Variants in RAI14 observed in about 807,000 individuals in gnomAD.
The protein encoded by RAI14 is ankycorbin.
In RAI14, 45 loss-of-function variants were observed where a neutral mutation model predicts 115.4. The observed-to-expected ratio is 0.39, with a 90% confidence interval of 0.31 to 0.50. RAI14 has a LOEUF of 0.50. Among genes scored for constraint, RAI14 ranks in the 20% least tolerant of loss-of-function variants. The pLI, the probability that RAI14 is intolerant of heterozygous loss-of-function variation, is 0.85. For synonymous variants in RAI14, 371 were observed against 415.4 expected, an observed-to-expected ratio of 0.89 and a Z score of 1.30; for missense variants, 939 against 1,131.2, an observed-to-expected ratio of 0.83 and a Z score of 2.44.
chr5:34,829,739 A>T lies in RAI14; in HGVS notation c.2807A>T (p.Lys936Met). The T allele has an allele frequency of 1.2e-6, 2 of 1,610,864 alleles. No homozygotes were observed. The change falls in exon 17 of 18, where the codon AAG becomes ATG. Residue 936 changes from lysine (K) to methionine (M), a missense_variant. Lys to Met is a moderately conservative substitution (Grantham distance 95). Coordinates refer to ENST00000265109, the MANE Select transcript of RAI14 (RefSeq NM_015577.3). ...GAAATATTCCCTTTCTAGGAATGCA[A>T]GAAACAACACCAGGAGGTCATATCA... ...KQLQNQLAEC[K>M]KQHQEVISVY... is the part of the protein sequence containing the mutation.
intron 3 of RAI14, among the ~76,000 whole-genome samples, chr5:34,764,552 T>C (rs1196278156): frequency 6.6e-6 from 1 of 151,830 alleles, no homozygotes; most frequent in Non-Finnish European, 1.5e-5. Context: ...TCTCTCTCTC[T>C]CTCTCTCTCT....
rs777338809 is a variant in RAI14 at position 34,811,845 on chromosome 5, C to G, written c.636C>G (p.Asn212Lys). 8.1e-6 allele frequency: 13 copies of G among 1,612,856 alleles called. No homozygotes were observed. Among genetic ancestry groups the G allele is most frequent in the African/African-American group, 1.3e-5 (1 of 74,870 alleles). The change falls in exon 9 of 18, where the codon AAC becomes AAG. Residue 212 changes from asparagine to lysine, a missense_variant. By Grantham distance (94) the Asn-to-Lys change is moderately conservative. Transcript: ENST00000265109. ...TAATTAAAAAGGGTGCAGACCTAAA[C>G]CTTGTAGATTCTCTTGGATACAATG... ...EALIKKGADL[N>K]LVDSLGYNAL... is the part of the protein sequence containing the mutation.
At chr5:34,757,661 C>A (rs909581109) in intron 3 of RAI14, 63 bp downstream of exon 3, 16 of 1,526,236 alleles carry the variant, frequency 1.0e-5, no homozygotes, top group Non-Finnish European at 1.3e-5. Flanking sequence ...TCTCTGGAAT[C>A]CTTAGTATCC....
intron 4 of RAI14, among the ~76,000 whole-genome samples, chr5:34,797,526 T>C (rs1753689713): frequency 6.6e-6 from 1 of 152,114 alleles, no homozygotes; most frequent in African/African-American, 2.4e-5. Flanking sequence ...AAAACCATTT[T>C]TGGTCAAAAA....
chr5:34,721,234 G>A (rs1213689835), intron 2 of RAI14, among the ~76,000 whole-genome samples: 1 of 149,850 alleles, frequency 6.7e-6, no homozygotes, highest in African/African-American at 2.5e-5. Context: ...AATGCCTTGT[G>A]ATCAAAACTA....
intron 2 of RAI14, among the ~76,000 whole-genome samples, chr5:34,714,527 G>A (rs1554044815): frequency 1.3e-5 from 2 of 152,122 alleles, no homozygotes. Context: ...AATGTCATAT[G>A]ATCTTGATCA....
At chr5:34,678,008 A>G (rs1487121416) in intron 1 of RAI14, among the ~76,000 whole-genome samples, 1 of 152,082 alleles carries the variant, frequency 6.6e-6, no homozygotes, top group Non-Finnish European at 1.5e-5. Context: ...TTCCTATCAC[A>G]GTTTGAAATC....
At chr5:34,675,678 G>C (rs1224306247) in intron 1 of RAI14, among the ~76,000 whole-genome samples, 2 of 151,830 alleles carry the variant, frequency 1.3e-5, no homozygotes, top group Non-Finnish European at 2.9e-5. Context: ...TTGAGCCCAG[G>C]AGTTTGAGGC....
intron 3 of RAI14, among the ~76,000 whole-genome samples, chr5:34,768,171 G>C (rs1376999383): frequency 6.8e-6 from 1 of 147,626 alleles, no homozygotes; most frequent in African/African-American, 2.5e-5. Flanking sequence ...TTGCATCAGT[G>C]TGACTTGGAT....
intron 3 of RAI14, among the ~76,000 whole-genome samples, chr5:34,776,420 T>G (rs908679406): frequency 6.6e-6 from 1 of 152,162 alleles, no homozygotes; most frequent in African/African-American, 2.4e-5. Flanking sequence ...AGAGTATAAT[T>G]GAGTTGTTGG....
chr5:34,821,717 T>G lies in RAI14; in HGVS notation c.995-15T>G. On this transcript the variant is annotated splice_polypyrimidine_tract_variant and intron_variant, in intron 13 of 17. Coordinates refer to ENST00000265109, the MANE Select transcript of RAI14 (RefSeq NM_015577.3). ...TTAATTGTTTTATATTTTAAATGGC[T>G]TTCTCTTTCCCAAGGTGCTGATAGC... 7.0e-7 allele frequency: 1 copy of G among 1,420,946 alleles called. No homozygotes were observed. The highest frequency in any genetic ancestry group is 9.9e-7 in the Non-Finnish European group (1 of 1,007,372). The allele number at this position is 1,420,946 out of a possible 1,614,324, so 88.0% of individuals were successfully genotyped here. A position where few individuals can be genotyped will look rare whatever the true frequency, so the allele number is the denominator to read the frequency against.
At chr5:34,829,042 C>G in intron 16 of RAI14, among the ~76,000 whole-genome samples, 1 of 152,058 alleles carries the variant, frequency 6.6e-6, no homozygotes, top group East Asian at 1.9e-4. Flanking sequence ...GAGATAATCA[C>G]TTTTTACATT....
At chr5:34,718,057 C>G (rs906744178) in intron 2 of RAI14, among the ~76,000 whole-genome samples, 5 of 152,006 alleles carry the variant, frequency 3.3e-5, no homozygotes, top group African/African-American at 1.2e-4. Context: ...ATCACTGTCA[C>G]TGGCTGCAGG....
At chr5:34,825,417 A>G (rs1295849036) in intron 15 of RAI14, among the ~76,000 whole-genome samples, 4 of 152,214 alleles carry the variant, frequency 2.6e-5, no homozygotes, top group African/African-American at 7.2e-5. Flanking sequence ...ACTGGAAAGT[A>G]TTTGTGATCC....
intron 2 of RAI14, among the ~76,000 whole-genome samples, chr5:34,734,008 AGCTGGGGGTACATAG>A (rs1465926797): frequency 6.6e-6 from 1 of 152,192 alleles, no homozygotes; most frequent in Non-Finnish European, 1.5e-5. Context: ...TGCCGCTCCC[AGCTGGGGGTACATAG>A]GCTGCTTCTC....
chr5:34,781,303 G>A (rs917070055), intron 3 of RAI14, among the ~76,000 whole-genome samples: 10 of 151,986 alleles, frequency 6.6e-5, no homozygotes, highest in Admixed American at 3.3e-4. Context: ...GCACACCAAC[G>A]TGGCACATGT....
At chr5:34,657,937 A>G (rs79823141) in intron 1 of RAI14, among the ~76,000 whole-genome samples, 1 of 152,136 alleles carries the variant, frequency 6.6e-6, no homozygotes, top group East Asian at 1.9e-4. Context: ...TCTTTTCTTA[A>G]TGATGCCTAA....
At chr5:34,787,077 G>T (rs541753272) in intron 3 of RAI14, among the ~76,000 whole-genome samples, 1 of 152,294 alleles carries the variant, frequency 6.6e-6, no homozygotes, top group South Asian at 2.1e-4. Context: ...TTCCGCCCTG[G>T]GTAGGCCAGG....
chr5:34,714,382 G>A lies in RAI14; in HGVS notation c.36+27427G>A, dbSNP rs75138793. The stretch of plus-strand genomic sequence containing the variant: ...AGAGAAGAAACCACATAAAGGTGGC[G>A]TTGGGTTATCTGGGACAGGGATACG... On this transcript the variant is annotated intron_variant, in intron 2 of 17. Transcript: ENST00000265109. Among the ~76,000 whole-genome samples, 289 of 152,278 alleles carry A rather than the reference G, an allele frequency of 1.9e-3. 1 individual carries two copies. Among genetic ancestry groups the A allele is most frequent in the African/African-American group, 6.6e-3 (273 of 41,568 alleles).
Sources: gnomAD v4.1 joint callset for allele counts (sites outside exome capture counted in the v4.1 genomes callset) on GRCh38, gnomAD v4.1.1 for gene constraint, MANE v1.5 for transcripts, NCBI Gene and HGNC (gene_info 2026-07-23, HGNC 2026-07-21) for gene names.